The following PDLIM5 variants were observed in gnomAD, a reference collection of about 807,000 sequenced individuals.
PDLIM5 encodes the protein PDZ and LIM domain protein 5.
A neutral mutation model predicts 64.2 loss-of-function variants in PDLIM5; 34 were observed. The ratio of observed to expected loss-of-function variants is 0.53; its 90% confidence interval spans 0.40 to 0.71. PDLIM5 has a LOEUF of 0.71. Among genes scored for constraint, PDLIM5 ranks in the 30% least tolerant of loss-of-function variants. The probability of loss-of-function intolerance (pLI) is 0.00; values close to 1 mark genes in which losing one functional copy is unlikely to be tolerated. For missense variants in PDLIM5, 683 were observed against 733.6 expected (o/e 0.93, Z 0.80); for synonymous variants, 253 against 269.1 (o/e 0.94, Z 0.59).
chr4:94,560,017 C>G (rs997385464), intron 3 of PDLIM5, among the ~76,000 whole-genome samples: 1 of 152,142 alleles, frequency 6.6e-6, no homozygotes, highest in African/African-American at 2.4e-5. Context: ...GTGACTGTTT[C>G]TTATCTATGT....
At chr4:94,642,150 A>G (rs1741046804) in intron 9 of PDLIM5, among the ~76,000 whole-genome samples, 1 of 152,210 alleles carries the variant, frequency 6.6e-6, no homozygotes, top group Non-Finnish European at 1.5e-5. Context: ...GGTTGCCTAG[A>G]CTGATGCTTA....
At chr4:94,565,587 A>C (rs1734250331) in intron 3 of PDLIM5, among the ~76,000 whole-genome samples, 1 of 152,224 alleles carries the variant, frequency 6.6e-6, no homozygotes, top group South Asian at 2.1e-4. Context: ...CATGACTACT[A>C]ATGTCAGAAG....
chr4:94,614,262 A>G (rs1812924), intron 7 of PDLIM5, among the ~76,000 whole-genome samples: 11,020 of 152,056 alleles, frequency 0.072, 643 homozygotes, highest in African/African-American at 0.16. Context: ...CGCCCAGCCA[A>G]TCCTTTCATC....
At chr4:94,637,417 A>G (rs1740658117) in intron 8 of PDLIM5, among the ~76,000 whole-genome samples, 2 of 151,980 alleles carry the variant, frequency 1.3e-5, no homozygotes, top group Non-Finnish European at 2.9e-5. Flanking sequence ...AAATTAGCCC[A>G]GCGTGGTGGC....
chr4:94,625,629 A>AT (rs1346399040), intron 8 of PDLIM5, among the ~76,000 whole-genome samples: 1 of 151,806 alleles, frequency 6.6e-6, no homozygotes, highest in African/African-American at 2.4e-5. Context: ...ATGTTTTTGT[A>AT]TTTTTAGTAG....
chr4:94,618,278 G>T, intron 8 of PDLIM5, 87 bp downstream of exon 8: 1 of 816,164 alleles, frequency 1.2e-6, no homozygotes, highest in Admixed American at 3.2e-5. Context: ...AGAATTCACT[G>T]GTAAAACCCA....
chr4:94,496,784 C>T (rs531753302), intron 2 of PDLIM5, among the ~76,000 whole-genome samples: 114 of 152,302 alleles, frequency 7.5e-4, no homozygotes, highest in African/African-American at 2.3e-3. Flanking sequence ...TGAGCCACCC[C>T]GCCCAGCCCA....
At chr4:94,533,364 T>A (rs949634515) in intron 3 of PDLIM5, among the ~76,000 whole-genome samples, 1 of 152,242 alleles carries the variant, frequency 6.6e-6, no homozygotes, top group African/African-American at 2.4e-5. Flanking sequence ...TATACTCCTT[T>A]GGGAAAGCAA....
chr4:94,636,846 A>C (rs1685948094), intron 8 of PDLIM5, among the ~76,000 whole-genome samples: 1 of 152,140 alleles, frequency 6.6e-6, no homozygotes, highest in African/African-American at 2.4e-5. Flanking sequence ...CTCATTTTTA[A>C]ATAATTAATA....
chr4:94,575,886 G>A lies in PDLIM5; in HGVS notation c.562G>A (p.Asp188Asn). ...GLHANANLSA[D>N]QSPSALSAGK... Reference sequence around the variant, plus strand: ...GCATGCTAATGCCAATCTTAGTGCTGACCAGTCTCCATCTGCACTGAGCGC... The same window carrying A: ...GCATGCTAATGCCAATCTTAGTGCTAACCAGTCTCCATCTGCACTGAGCGC... Residue 188 changes from aspartate (D) to asparagine (N), a missense_variant, in exon 5 of 13, where the codon GAC becomes AAC. Asp to Asn is a conservative substitution (Grantham distance 23). Coordinates refer to ENST00000317968, the MANE Select transcript of PDLIM5 (RefSeq NM_006457.5). 6.2e-7 allele frequency: 1 copy of A among 1,614,102 alleles called. No individual in the cohort carries two copies. Among genetic ancestry groups the A allele is most frequent in the Non-Finnish European group, 8.5e-7 (1 of 1,180,016 alleles).
At chr4:94,535,246 T>C (rs908504763) in intron 3 of PDLIM5, among the ~76,000 whole-genome samples, 6 of 152,306 alleles carry the variant, frequency 3.9e-5, no homozygotes, top group Non-Finnish European at 5.9e-5. Context: ...TGGATAGATG[T>C]AGAATGAGGG....
chr4:94,478,354 G>A (rs1725519017), intron 2 of PDLIM5, among the ~76,000 whole-genome samples: 1 of 151,772 alleles, frequency 6.6e-6, no homozygotes, highest in Non-Finnish European at 1.5e-5. Flanking sequence ...CTGGTCAACT[G>A]TAGGCCATTA....
At chr4:94,492,704 C>T (rs751655474) in intron 2 of PDLIM5, among the ~76,000 whole-genome samples, 10 of 151,994 alleles carry the variant, frequency 6.6e-5, no homozygotes, top group Non-Finnish European at 1.3e-4. Flanking sequence ...AGCATAATAC[C>T]GGTTTCTTAC....
intron 2 of PDLIM5, among the ~76,000 whole-genome samples, chr4:94,480,014 A>T (rs1266839749): frequency 6.6e-6 from 1 of 152,220 alleles, no homozygotes; most frequent in Non-Finnish European, 1.5e-5. Context: ...AGGAGCCTAG[A>T]GCTAAAGCTC....
chr4:94,564,362 T>A (rs1447227226), intron 3 of PDLIM5, among the ~76,000 whole-genome samples: 1 of 152,186 alleles, frequency 6.6e-6, no homozygotes, highest in Non-Finnish European at 1.5e-5. Flanking sequence ...TGCAGCTTTA[T>A]CTCTCACTGC....
chr4:94,599,627 T>G (rs1737335383), intron 7 of PDLIM5, among the ~76,000 whole-genome samples: 1 of 152,244 alleles, frequency 6.6e-6, no homozygotes, highest in East Asian at 1.9e-4. Context: ...ATCAAACAAT[T>G]CAATAGTAAG....
intron 5 of PDLIM5, among the ~76,000 whole-genome samples, chr4:94,584,244 C>G (rs1735977332): frequency 1.3e-5 from 2 of 152,154 alleles, no homozygotes; most frequent in Non-Finnish European, 2.9e-5. Flanking sequence ...TCCTTTTTCT[C>G]TTTTGAAATT....
At chr4:94,513,049 T>G (rs1295727988) in intron 2 of PDLIM5, among the ~76,000 whole-genome samples, 2 of 152,218 alleles carry the variant, frequency 1.3e-5, no homozygotes, top group Non-Finnish European at 2.9e-5. Flanking sequence ...CTTGCAGGTA[T>G]GTGGATTTGT....
intron 2 of PDLIM5, among the ~76,000 whole-genome samples, chr4:94,497,171 A>G (rs755826634): frequency 3.3e-5 from 5 of 152,322 alleles, no homozygotes; most frequent in South Asian, 2.1e-4. Flanking sequence ...TGTATTATCT[A>G]TCTCAAAAGA....
Sources: allele counts gnomAD v4.1 joint callset (sites outside exome capture counted in the v4.1 genomes callset), GRCh38; gene constraint gnomAD v4.1.1; transcripts MANE v1.5; gene names NCBI Gene and HGNC (gene_info 2026-07-23, HGNC 2026-07-21).